Variants in NRF1 observed in about 807,000 individuals in gnomAD.
NRF1 encodes alpha palindromic-binding protein.
A neutral mutation model predicts 58.5 loss-of-function variants in NRF1; 5 were observed. The ratio of observed to expected loss-of-function variants is 0.09; its 90% CI spans 0.04 to 0.18. The LOEUF is 0.18. Ranked by LOEUF, NRF1 falls within the 10% of genes least tolerant of loss-of-function variation. NRF1 has a pLI of 1.00. For synonymous variants in NRF1, 224 were observed against 246.7 expected, an observed-to-expected ratio of 0.91 and a Z score of 0.86; for missense variants, 288 against 657.7, an observed-to-expected ratio of 0.44 and a Z score of 6.15.
chr7:129,694,433 C>T (rs955710912), intron 5 of NRF1, among the ~76,000 whole-genome samples: 9 of 152,138 alleles, frequency 5.9e-5, no homozygotes, highest in Non-Finnish European at 1.2e-4. Flanking sequence ...GGCACGATCT[C>T]GGCTCACTGC....
intron 1 of NRF1, among the ~76,000 whole-genome samples, chr7:129,619,488 GTGTATA>G (rs750602810): frequency 0.2 from 7,958 of 39,376 alleles, 470 homozygotes; most frequent in East Asian, 0.39. Context: ...GTGTGTGTGT[GTGTATA>G]TATATATATA....
chr7:129,619,481 T>C (rs1167257656), intron 1 of NRF1, among the ~76,000 whole-genome samples: 2 of 32,844 alleles, frequency 6.1e-5, no homozygotes, highest in Admixed American at 4.8e-4. Flanking sequence ...TGTGTGTGTG[T>C]GTGTGTGTGT....
At chr7:129,672,109 C>T (rs553458262) in intron 3 of NRF1, among the ~76,000 whole-genome samples, 17 of 151,188 alleles carry the variant, frequency 1.1e-4, no homozygotes, top group South Asian at 4.2e-4. Flanking sequence ...GCAAAGGCCC[C>T]GAGGTGTGAA....
intron 9 of NRF1, among the ~76,000 whole-genome samples, chr7:129,718,532 C>T (rs143450848): frequency 3.0e-4 from 45 of 152,262 alleles, no homozygotes; most frequent in African/African-American, 1.1e-3. Context: ...ATACTCTGCC[C>T]TCAAAGAAAT....
intron 8 of NRF1, among the ~76,000 whole-genome samples, chr7:129,716,118 A>G (rs1803183277): frequency 6.6e-6 from 1 of 152,204 alleles, no homozygotes; most frequent in African/African-American, 2.4e-5. Context: ...ACTGTTTGTG[A>G]AAAAAGCAAG....
chr7:129,678,474 A>G (rs959560539), intron 4 of NRF1, among the ~76,000 whole-genome samples: 2 of 152,230 alleles, frequency 1.3e-5, no homozygotes, highest in Admixed American at 6.5e-5. Context: ...GTTCAGAATT[A>G]GTAATCAATT....
Position 129,741,419 on chromosome 7 carries a change from C to A in NRF1, c.1349-13599C>A, listed in dbSNP as rs148994553. 6.6e-6 allele frequency among the ~76,000 whole-genome samples: 1 copy of A among 152,266 alleles called. No individual in the cohort carries two copies. The highest frequency in any genetic ancestry group is 2.4e-5 in the African/African-American group (1 of 41,560). On this transcript the variant is annotated intron_variant, in intron 10 of 10. Transcript: ENST00000393232. This position sits in a 1 kb window ranked among gnomAD's most constrained non-coding sequence, Gnocchi z 4.0. ...AGGCAGATTTTGGTCTTAGATTATTCCAGCTCCTTATAAACCAAGACTGAA... is the reference window on the plus strand; with the variant it reads ...AGGCAGATTTTGGTCTTAGATTATTACAGCTCCTTATAAACCAAGACTGAA...
In NRF1 at chr7:129,717,235, C is replaced by A. The variant is rs1803213874; in HGVS notation, c.1082C>A (p.Ala361Asp). The A allele has an allele frequency of 1.2e-6, 2 of 1,606,370 alleles. No individual in the cohort carries two copies. Among genetic ancestry groups the A allele is most frequent in the Non-Finnish European group, 1.7e-6 (2 of 1,176,762 alleles). ...CTGCCTCAGGTGGAACAAAATTGGG[C>A]CACGTTACAGGGAGGTGAGATGACC... ...VADGEVEQNW[A>D]TLQGGEMTIQ... The change falls in exon 9 of 11, where the codon GCC becomes GAC. Residue 361 changes from alanine (A) to aspartate (D), a missense_variant. Coordinates refer to ENST00000393232, the MANE Select transcript of NRF1 (RefSeq NM_005011.5).
chr7:129,664,939 A>G (rs978269200), intron 2 of NRF1, among the ~76,000 whole-genome samples: 9 of 152,172 alleles, frequency 5.9e-5, no homozygotes, highest in Non-Finnish European at 1.0e-4. Flanking sequence ...GCTTTCATCC[A>G]GTGGTGGGGG....
At chr7:129,690,359 C>A in intron 4 of NRF1, 47 bp from the exon 5 acceptor site, 1 of 1,589,596 alleles carries the variant, frequency 6.3e-7, no homozygotes, top group South Asian at 1.1e-5. Flanking sequence ...ACCAATCCTC[C>A]CTGGTTGTTG....
intron 9 of NRF1, among the ~76,000 whole-genome samples, chr7:129,725,011 G>A (rs990997390): frequency 2.0e-5 from 3 of 152,122 alleles, no homozygotes; most frequent in Non-Finnish European, 4.4e-5. Flanking sequence ...GGGAATTCAA[G>A]ACCAGCCTGG....
At chr7:129,696,118 C>T (rs1220757720) in intron 5 of NRF1, among the ~76,000 whole-genome samples, 3 of 148,104 alleles carry the variant, frequency 2.0e-5, no homozygotes, top group South Asian at 2.1e-4. Context: ...GTGGTACATG[C>T]CTGTAATCCC....
chr7:129,673,746 G>T (rs1802109748), intron 3 of NRF1, among the ~76,000 whole-genome samples: 1 of 150,382 alleles, frequency 6.6e-6, no homozygotes, highest in Admixed American at 6.6e-5. Flanking sequence ...GCTGTTTTCG[G>T]TTTGATGGGT....
At position 129,755,835 on chromosome 7, in the gene NRF1, G is replaced by C. The variant is rs1304142956; in HGVS notation, c.*654G>C. The C allele has an allele frequency of 6.5e-6, 1 of 152,724 alleles. No homozygotes were observed. The highest frequency in any genetic ancestry group is 2.4e-5 in the African/African-American group (1 of 41,448). The allele number at this position is 152,724 out of a possible 1,614,324, so 9.5% of individuals were successfully genotyped here. On this transcript the variant is annotated 3_prime_UTR_variant, in exon 11 of 11. Coordinates refer to ENST00000393232, the MANE Select transcript of NRF1 (RefSeq NM_005011.5). The surrounding 1 kb of genome is among the most constrained non-coding windows in gnomAD (Gnocchi z 5.8). ...CATGGGGTGGGTCAGAGATGTGCTTGCAAGGTCCAGGGACTGCGTGGTCTG... is the reference window on the plus strand; with the variant it reads ...CATGGGGTGGGTCAGAGATGTGCTTCCAAGGTCCAGGGACTGCGTGGTCTG...
intron 1 of NRF1, among the ~76,000 whole-genome samples, chr7:129,640,390 C>T (rs773613145): frequency 3.3e-5 from 5 of 151,874 alleles, no homozygotes; most frequent in Non-Finnish European, 7.4e-5. Flanking sequence ...TGGTGGCTCC[C>T]GTCTGTAGTC....
chr7:129,736,341 G>T (rs1167047774), intron 10 of NRF1, among the ~76,000 whole-genome samples: 1 of 145,910 alleles, frequency 6.9e-6, no homozygotes, highest in African/African-American at 2.5e-5. Flanking sequence ...GAGTGCAGTG[G>T]CACAATCTTA....
At chr7:129,621,991 C>T (rs1301464548) in intron 1 of NRF1, among the ~76,000 whole-genome samples, 1 of 151,950 alleles carries the variant, frequency 6.6e-6, no homozygotes, top group Non-Finnish European at 1.5e-5. Flanking sequence ...CCATGTTGGT[C>T]AGGCTGGTCT....
chr7:129,742,152 A>G (rs1415303308), intron 10 of NRF1, among the ~76,000 whole-genome samples: 1 of 151,974 alleles, frequency 6.6e-6, no homozygotes, highest in Non-Finnish European at 1.5e-5. Context: ...AAGGAGACAT[A>G]CTGGTTTTGC....
rs539917052 is a variant in NRF1 at position 129,741,559 on chromosome 7, G to A, written c.1349-13459G>A. On this transcript the variant is annotated intron_variant, in intron 10 of 10. Transcript: ENST00000393232. The surrounding 1 kb of genome is among the most constrained non-coding windows in gnomAD (Gnocchi z 4.0). ...TGGAGTCATTTCTATTCAATACATG[G>A]ATGGCAAAGTGGGTTTTAATTGAGC... Among the ~76,000 whole-genome samples the A allele has an allele frequency of 3.9e-5, 6 of 152,232 alleles. No individual in the cohort carries two copies. The South Asian group carries it at 1.2e-3, about 32-fold the overall frequency.
Sources: allele counts gnomAD v4.1 joint callset (sites outside exome capture counted in the v4.1 genomes callset), GRCh38; gene constraint gnomAD v4.1.1; non-coding constraint Gnocchi (gnomAD v3.1); transcripts MANE v1.5; gene names NCBI Gene and HGNC (gene_info 2026-07-23, HGNC 2026-07-21).